The following CENPF variants were observed in gnomAD, a reference collection of about 807,000 sequenced individuals.
The protein encoded by CENPF is centromere protein F.
CENPF carries 214 observed loss-of-function variants against 307.3 expected under a neutral mutation model. The observed-to-expected ratio is 0.70, with a 90% confidence interval of 0.62 to 0.78. The LOEUF (loss-of-function observed/expected upper bound fraction) is 0.78. CENPF is among the 30% of genes least tolerant of loss of function. The pLI, the probability that CENPF is intolerant of heterozygous loss-of-function variation, is 0.00. For synonymous variants in CENPF, 1,259 were observed against 1,270.6 expected (o/e 0.99, Z 0.19); for missense variants, 3,401 against 3,483.9 (o/e 0.98, Z 0.60).
At chr1:214,606,147 C>A (rs1657023886) in intron 1 of CENPF, 7 of 1,453,710 alleles carry the variant, frequency 4.8e-6, no homozygotes, top group Non-Finnish European at 6.4e-6. Context: ...CAGCGGGCGT[C>A]CCCGGGCCCA....
At position 214,641,028 on chromosome 1, in the gene CENPF, A is replaced by T. The variant is rs969962598; in HGVS notation, c.2690A>T (p.Asn897Ile). Residue 897 changes from asparagine (N) to isoleucine (I), a missense_variant, in exon 12 of 20, where the codon AAT becomes ATT. By Grantham distance (149) the Asn-to-Ile change is moderately radical (BLOSUM62 -3). Transcript: ENST00000366955. Reference protein sequence around the residue: ...KLQEDTSAHQNVVAETLSALE... With the variant: ...KLQEDTSAHQIVVAETLSALE... ...CAGGAAGACACTTCTGCTCACCAGAATGTTGTTGCTGAAACCTTAAGTGCC... is the reference window on the plus strand; with the variant it reads ...CAGGAAGACACTTCTGCTCACCAGATTGTTGTTGCTGAAACCTTAAGTGCC... The T allele has an allele frequency of 6.4e-7, 1 of 1,567,582 alleles. No homozygotes were observed. Among genetic ancestry groups the T allele is most frequent in the Non-Finnish European group, 8.6e-7 (1 of 1,164,798 alleles).
chr1:214,608,755 A>C, intron 1 of CENPF: 1 of 1,600,168 alleles, frequency 6.2e-7, no homozygotes, highest in East Asian at 2.2e-5. Context: ...CTCCGGCGGC[A>C]GGAAGGCGAG....
At chr1:214,630,057 T>G (rs1473588850) in intron 8 of CENPF, among the ~76,000 whole-genome samples, 1 of 152,212 alleles carries the variant, frequency 6.6e-6, no homozygotes, top group Non-Finnish European at 1.5e-5. Flanking sequence ...CCTGGAAATG[T>G]TAGCTGATAT....
intron 1 of CENPF, chr1:214,608,816 G>A (rs1657114012): frequency 1.9e-6 from 3 of 1,597,888 alleles, no homozygotes; most frequent in Non-Finnish European, 2.5e-6. Flanking sequence ...AGGCAGCAGA[G>A]CTCACTCAGC....
chr1:214,605,012 TG>T (rs765307000), intron 1 of CENPF, among the ~76,000 whole-genome samples: 2 of 152,174 alleles, frequency 1.3e-5, no homozygotes, highest in Admixed American at 6.5e-5. Flanking sequence ...TAAAATCGAT[TG>T]AAAAAAACCA....
intron 1 of CENPF, chr1:214,605,638 T>C (rs1427784672): frequency 6.6e-7 from 1 of 1,520,976 alleles, no homozygotes; most frequent in African/African-American, 1.4e-5. Context: ...GTCCGGGGGC[T>C]GCCTTATTGC....
chr1:214,628,981 C>T (rs184361641), intron 7 of CENPF, 65 bp from the exon 8 acceptor site: 4 of 1,284,408 alleles, frequency 3.1e-6, no homozygotes, highest in Non-Finnish European at 4.2e-6. Flanking sequence ...TTCTAAAACA[C>T]AAAATATTTG....
chr1:214,608,476 A>G, intron 1 of CENPF: 1 of 1,612,974 alleles, frequency 6.2e-7, no homozygotes, highest in Non-Finnish European at 8.5e-7. Context: ...GCCCAGGTCC[A>G]CGGCATTGCT....
rs1188002334 is a variant in CENPF, at chr1:214,656,922, A to G, written c.8486-11A>G. The G allele has an allele frequency of 7.7e-6, 12 of 1,557,500 alleles. No individual in the cohort carries two copies. Among genetic ancestry groups the G allele is most frequent in the Non-Finnish European group, 9.6e-6 (11 of 1,147,700 alleles). On this transcript the variant is annotated splice_polypyrimidine_tract_variant and intron_variant, in intron 17 of 19. Transcript: ENST00000366955. ...CAAGTTGCACATGATGTGTTGCTTT[A>G]CTTTGGACAGGTACTGTTATGGATA...
chr1:214,606,139 G>T, intron 1 of CENPF: 1 of 1,496,084 alleles, frequency 6.7e-7, no homozygotes, highest in South Asian at 1.3e-5. Context: ...CTTCCCGCCA[G>T]CGGGCGTCCC....
chr1:214,613,197 T>A (rs1657243880), intron 1 of CENPF: 1 of 250,068 alleles, frequency 4.0e-6, no homozygotes, highest in Non-Finnish European at 8.1e-6. Flanking sequence ...ATACATTCTA[T>A]TTTAAGGCTG....
rs335524 is a variant in CENPF at position 214,652,853 on chromosome 1, G to C, written c.8186G>C (p.Arg2729Pro). The change falls in exon 16 of 20, where the codon CGA (arginine) becomes CCA (proline). Residue 2729 changes from arginine (R) to proline (P), a missense_variant. Coordinates refer to ENST00000366955, the MANE Select transcript of CENPF (RefSeq NM_016343.4). ...KQYEVEIQTY[R>P]EKLTSKEECL... Reference sequence around the variant, plus strand: ...TATGAAGTAGAAATCCAGACATACCGAGAGAAATTGACTTCTAAAGAAGAA... The same window carrying C: ...TATGAAGTAGAAATCCAGACATACCCAGAGAAATTGACTTCTAAAGAAGAA... The C allele has an allele frequency of 6.3e-7, 1 of 1,593,670 alleles. No individual in the cohort carries two copies. The highest frequency in any genetic ancestry group is 1.4e-5 in the African/African-American group (1 of 73,252).
intron 7 of CENPF, among the ~76,000 whole-genome samples, chr1:214,623,914 AT>A (rs1159782891): frequency 2.6e-5 from 4 of 152,186 alleles, no homozygotes; most frequent in Non-Finnish European, 5.9e-5. Flanking sequence ...CTCTTTAGAT[AT>A]TTCTGAGGCT....
chr1:214,654,285 A>G (rs2102415877), intron 16 of CENPF: 1 of 152,300 alleles, frequency 6.6e-6, no homozygotes, highest in South Asian at 2.1e-4. Flanking sequence ...GAGACTATAT[A>G]TACTGGGCCA....
At position 214,613,736 on chromosome 1, in the gene CENPF, A is replaced by G. The variant is rs779840605; in HGVS notation, c.-19A>G. The G allele has an allele frequency of 6.4e-6, 10 of 1,573,326 alleles. No individual in the cohort carries two copies. Among genetic ancestry groups the G allele is most frequent in the Non-Finnish European group, 8.6e-6 (10 of 1,162,394 alleles). On this transcript the variant is annotated 5_prime_UTR_variant, in exon 2 of 20. It removes the in-frame stop codon of an upstream open reading frame in the 5' UTR. Transcript: ENST00000366955. ...CAGTTTATTTACAAATGTTGGAGTAATAAAGAAGGCAGAACAAAATGAGCT... is the reference window on the plus strand; with the variant it reads ...CAGTTTATTTACAAATGTTGGAGTAGTAAAGAAGGCAGAACAAAATGAGCT...
chr1:214,658,367 C>T (rs1033512424), intron 18 of CENPF, among the ~76,000 whole-genome samples: 3 of 152,036 alleles, frequency 2.0e-5, no homozygotes, highest in Non-Finnish European at 2.9e-5. Flanking sequence ...TTAGAAAGGT[C>T]AGTTTCTCTC....
chr1:214,656,448 T>TC (rs1658634009), intron 17 of CENPF, among the ~76,000 whole-genome samples: 1 of 151,872 alleles, frequency 6.6e-6, no homozygotes, highest in South Asian at 2.1e-4. Flanking sequence ...TTTCATCAGA[T>TC]CCTCCATTGC....
intron 7 of CENPF, among the ~76,000 whole-genome samples, chr1:214,623,339 G>T (rs1657568163): frequency 6.6e-6 from 1 of 152,068 alleles, no homozygotes; most frequent in Non-Finnish European, 1.5e-5. Flanking sequence ...AAGTAATCTA[G>T]AGATGATTTA....
In CENPF at chr1:214,637,871, G is replaced by A; in HGVS notation, c.1452G>A (p.Met484Ile). The change falls in exon 11 of 20, where the codon ATG becomes ATA. Residue 484 changes from methionine to isoleucine, a missense_variant. Transcript: ENST00000366955. ...AATTAAAATGTGTGTTTTAGGAAAT[G>A]AAGAAGGAAAACAACCTCCTTAAGA... is the stretch of plus-strand genomic sequence containing the variant. ...ENELRRSMEE[M>I]KKENNLLKSH... 6.2e-7 allele frequency: 1 copy of A among 1,601,158 alleles called. No individual in the cohort carries two copies. The highest frequency in any genetic ancestry group is 8.5e-7 in the Non-Finnish European group (1 of 1,177,324).
Sources: gnomAD v4.1 joint callset for allele counts (sites outside exome capture counted in the v4.1 genomes callset) on GRCh38, gnomAD v4.1.1 for gene constraint, MANE v1.5 for transcripts, NCBI Gene and HGNC (gene_info 2026-07-23, HGNC 2026-07-21) for gene names.